Variants in DLG2 observed in about 807,000 individuals in gnomAD.
The protein encoded by DLG2 is disks large homolog 2.
DLG2 carries 45 observed loss-of-function variants against 132.5 expected under a neutral mutation model. The observed-to-expected ratio is 0.34, with a 90% CI of 0.27 to 0.44. The LOEUF (loss-of-function observed/expected upper bound fraction) is 0.44, where lower values mean the gene tolerates loss of function less well. Among genes scored for constraint, DLG2 ranks in the 20% least tolerant of loss-of-function variants. The probability of loss-of-function intolerance (pLI) is 1.00; values close to 1 mark genes in which losing one functional copy is unlikely to be tolerated. For synonymous variants in DLG2, 424 were observed against 419.6 expected (o/e 1.01, Z -0.13); for missense variants, 1,045 against 1,196.9 (o/e 0.87, Z 1.87).
intron 7 of DLG2, among the ~76,000 whole-genome samples, chr11:84,448,423 G>A (rs1271492856): frequency 7.9e-5 from 12 of 151,776 alleles, no homozygotes; most frequent in East Asian, 7.7e-4. Flanking sequence ...TCTTAAATCC[G>A]GTGGCCATTT....
In DLG2 at chr11:84,079,600, A is replaced by G. The variant is rs569887811; in HGVS notation, c.749+19323T>C. Among the ~76,000 whole-genome samples, 90 of 152,118 alleles carry G rather than the reference A, an allele frequency of 5.9e-4. 2 individuals carry two copies. Among genetic ancestry groups the G allele is most frequent in the Admixed American group, 3.9e-3 (60 of 15,278 alleles). ...GTCCAGCCCTACAACAGCTTCTTAG[A>G]CTGCTATAACTGCAGGCACTCTTAT... On this transcript the variant is annotated intron_variant, in intron 10 of 27. Transcript: ENST00000376104.
chr11:84,708,149 C>A (rs1020450864), intron 6 of DLG2, among the ~76,000 whole-genome samples: 46 of 151,720 alleles, frequency 3.0e-4, no homozygotes, highest in African/African-American at 1.1e-3. Context: ...TGGTCTTCAG[C>A]CTGATGTTTG....
chr11:84,213,066 T>C (rs1334697005), intron 8 of DLG2, among the ~76,000 whole-genome samples: 1 of 152,208 alleles, frequency 6.6e-6, no homozygotes, highest in African/African-American at 2.4e-5. Flanking sequence ...CAGGAGGAGC[T>C]GCTTACACAG....
rs150552008 is a variant in DLG2, at chr11:85,271,415, G to A, written c.186+13805C>T. Among the ~76,000 whole-genome samples, 559 of 152,344 alleles carry A rather than the reference G, an allele frequency of 3.7e-3. 3 individuals are homozygous for A. Among genetic ancestry groups the A allele is most frequent in the African/African-American group, 0.013 (536 of 41,580 alleles). ...TAGGGCAGTGCAGAAGGGAAATGTG[G>A]GGTGGGTGCCCCCACACAGAGTCCC... On this transcript the variant is annotated intron_variant, in intron 4 of 27. Coordinates refer to ENST00000376104, the MANE Select transcript of DLG2 (RefSeq NM_001142699.3).
rs143299461 is a variant in DLG2, at chr11:84,728,837, G to A, written c.358-194106C>T. On this transcript the variant is annotated intron_variant, in intron 6 of 27. Coordinates refer to ENST00000376104, the MANE Select transcript of DLG2 (RefSeq NM_001142699.3). ...GACATGTGAGGGTGCATGTGTCCAG[G>A]AATTTATCCATTTCTTCTAGATTTT... is the stretch of plus-strand genomic sequence containing the variant. Among the ~76,000 whole-genome samples, 170 of 152,262 alleles carry A rather than the reference G, an allele frequency of 1.1e-3. No individual in the cohort carries two copies. In the East Asian group the frequency reaches 0.027, roughly 25 times the overall value.
At chr11:84,266,537 A>G (rs2097638903) in intron 7 of DLG2, among the ~76,000 whole-genome samples, 1 of 152,214 alleles carries the variant, frequency 6.6e-6, no homozygotes, top group African/African-American at 2.4e-5. Context: ...AATGCAAAGC[A>G]AGGTTAAGAG....
intron 6 of DLG2, among the ~76,000 whole-genome samples, chr11:84,950,722 C>T (rs2050803387): frequency 1.3e-5 from 2 of 150,756 alleles, no homozygotes; most frequent in Non-Finnish European, 2.9e-5. Context: ...CACACACGCA[C>T]GTGCATACAC....
intron 3 of DLG2, among the ~76,000 whole-genome samples, chr11:85,585,824 C>T (rs765702198): frequency 2.6e-5 from 4 of 152,080 alleles, no homozygotes; most frequent in Non-Finnish European, 4.4e-5. Flanking sequence ...AGCTATTCTC[C>T]TGCCTCAGCC....
At chr11:84,820,260 T>A (rs557073935) in intron 6 of DLG2, among the ~76,000 whole-genome samples, 24 of 151,870 alleles carry the variant, frequency 1.6e-4, no homozygotes, top group Middle Eastern at 6.8e-3. Context: ...AGCAATACAA[T>A]CTATTACTTT....
At position 85,534,738 on chromosome 11, in the gene DLG2, G is replaced by A. The variant is rs116493975; in HGVS notation, c.40+63919C>T. On this transcript the variant is annotated intron_variant, in intron 3 of 27. Transcript: ENST00000376104. The stretch of plus-strand genomic sequence containing the variant: ...CCACATTTCCTTTACGTATTCCATC[G>A]TTGATGAGCATCTAGCTTGGCTCCA... Among the ~76,000 whole-genome samples the A allele has an allele frequency of 1.0e-3, 154 of 152,212 alleles. 1 individual carries two copies. Among genetic ancestry groups the A allele is most frequent in the African/African-American group, 3.2e-3 (132 of 41,536 alleles).
intron 3 of DLG2, among the ~76,000 whole-genome samples, chr11:85,342,171 GCTTT>G (rs369297999): frequency 6.4e-4 from 97 of 151,978 alleles, no homozygotes; most frequent in African/African-American, 2.2e-3. Context: ...TAACTTTTTT[GCTTT>G]CTAATTTTTC....
intron 17 of DLG2, among the ~76,000 whole-genome samples, chr11:83,804,640 T>C (rs987493413): frequency 6.7e-6 from 1 of 150,096 alleles, no homozygotes; most frequent in Non-Finnish European, 1.5e-5. Context: ...ATTTGAATTA[T>C]GTTGCAGACG....
chr11:85,081,301 C>T (rs1327393872), intron 6 of DLG2, among the ~76,000 whole-genome samples: 1 of 152,122 alleles, frequency 6.6e-6, no homozygotes, highest in Non-Finnish European at 1.5e-5. Context: ...GCAGAGAATA[C>T]GTGAGTCTTA....
intron 7 of DLG2, among the ~76,000 whole-genome samples, chr11:84,388,915 G>C (rs1043335275): frequency 6.6e-6 from 1 of 152,084 alleles, no homozygotes; most frequent in African/African-American, 2.4e-5. Flanking sequence ...GAGACTCTCA[G>C]AGTATCCAGT....
At chr11:84,104,810 C>G (rs531824454) in intron 9 of DLG2, among the ~76,000 whole-genome samples, 1 of 151,918 alleles carries the variant, frequency 6.6e-6, no homozygotes. Context: ...TAGTAAAATA[C>G]TAAAAGCATT....
chr11:85,055,112 T>C (rs560033647), intron 6 of DLG2, among the ~76,000 whole-genome samples: 5 of 152,154 alleles, frequency 3.3e-5, no homozygotes, highest in African/African-American at 7.2e-5. Flanking sequence ...ATTAATTAGA[T>C]GAATGAGTGA....
rs2089201816 is a variant in DLG2, at chr11:83,457,506, T to C, written c.*2312A>G. On this transcript the variant is annotated 3_prime_UTR_variant, in exon 28 of 28. Coordinates refer to ENST00000376104, the MANE Select transcript of DLG2 (RefSeq NM_001142699.3). ...TCTACACTAGGAAAATAAATAGTTATATTACTACAAAACCAAGGGTTGGTG... is the reference window on the plus strand; with the variant it reads ...TCTACACTAGGAAAATAAATAGTTACATTACTACAAAACCAAGGGTTGGTG... 1 of 152,628 alleles carries C rather than the reference T, an allele frequency of 6.6e-6. No homozygotes were observed. Among genetic ancestry groups the C allele is most frequent in the East Asian group, 1.9e-4 (1 of 5,202 alleles). 9.5% of individuals were successfully genotyped at this position (152,628 alleles called of 1,614,324 possible). A position where few individuals can be genotyped will look rare whatever the true frequency, so the allele number is the denominator to read the frequency against.
At chr11:84,513,146 A>G (rs1196473684) in intron 7 of DLG2, among the ~76,000 whole-genome samples, 2 of 150,350 alleles carry the variant, frequency 1.3e-5, no homozygotes, top group Admixed American at 6.6e-5. Flanking sequence ...AACTTAAAGT[A>G]AAATAATAAT....
intron 14 of DLG2, 46 bp from the exon 15 acceptor site, chr11:83,930,529 C>G (rs2079968969): frequency 1.9e-6 from 3 of 1,565,618 alleles, no homozygotes; most frequent in African/African-American, 1.4e-5. Flanking sequence ...TTAGTACATA[C>G]AAGGAACACC....
Sources: allele counts gnomAD v4.1 joint callset (sites outside exome capture counted in the v4.1 genomes callset), GRCh38; gene constraint gnomAD v4.1.1; transcripts MANE v1.5; gene names NCBI Gene and HGNC (gene_info 2026-07-23, HGNC 2026-07-21).